Variants in SCML4 observed in about 807,000 individuals in gnomAD.
The protein encoded by SCML4 is sex comb on midleg-like protein 4.
A neutral mutation model predicts 41.1 loss-of-function variants in SCML4; 34 were observed. The observed-to-expected ratio is 0.83, with a 90% CI of 0.63 to 1.10. The LOEUF is 1.10. Among genes scored for constraint, SCML4 ranks in the 50% least tolerant of loss-of-function variants. The pLI, the probability that SCML4 is intolerant of heterozygous loss-of-function variation, is 0.00. For missense variants in SCML4, 522 were observed against 534.1 expected (o/e 0.98, Z 0.22); for synonymous variants, 214 against 220.9 (o/e 0.97, Z 0.28).
intron 1 of SCML4, among the ~76,000 whole-genome samples, chr6:107,774,900 A>G (rs1468239337): frequency 2.0e-5 from 3 of 151,796 alleles, no homozygotes; most frequent in Non-Finnish European, 4.4e-5. Flanking sequence ...GCAGGCGCCT[A>G]TAATTCCAAC....
chr6:107,780,703 T>A lies in SCML4; in HGVS notation c.-59-8317A>T, dbSNP rs554482121. Among the ~76,000 whole-genome samples the A allele has an allele frequency of 3.3e-5, 5 of 149,754 alleles. No homozygotes were observed. In the East Asian group the frequency reaches 9.8e-4, roughly 29 times the overall value. Reference sequence around the variant, plus strand: ...GCCTAGGCGACAGAGTGAGGCCCAGTCTCCAATAATAATAATAATAATAAA... The same window carrying A: ...GCCTAGGCGACAGAGTGAGGCCCAGACTCCAATAATAATAATAATAATAAA... On this transcript the variant is annotated intron_variant, in intron 1 of 7. Coordinates refer to ENST00000369020, the MANE Select transcript of SCML4 (RefSeq NM_198081.5).
At chr6:107,791,680 A>G (rs1385534589) in intron 1 of SCML4, among the ~76,000 whole-genome samples, 1 of 152,240 alleles carries the variant, frequency 6.6e-6, no homozygotes, top group African/African-American at 2.4e-5. Context: ...CAGGCTGGGC[A>G]CAGTGGCTCA....
intron 1 of SCML4, among the ~76,000 whole-genome samples, chr6:107,809,686 A>G (rs1784015421): frequency 6.6e-6 from 1 of 152,134 alleles, no homozygotes. Flanking sequence ...AGATATGGGG[A>G]AGGGAGCAAT....
At chr6:107,831,821 A>C in the SCML4 span, among the ~76,000 whole-genome samples, 1 of 152,160 alleles carries the variant, frequency 6.6e-6, no homozygotes, top group African/African-American at 2.4e-5. Context: ...TGGGAGGCCG[A>C]AGTGGGAGGA....
intron 1 of SCML4, among the ~76,000 whole-genome samples, chr6:107,822,739 T>TGTTTAAAAGTTATAGTTTGTGAAGCC (rs1185796764): frequency 6.6e-6 from 1 of 152,108 alleles, no homozygotes; most frequent in Non-Finnish European, 1.5e-5. Flanking sequence ...TCAAAAAGCC[T>TGTTTAAAAGTTATAGTTTGTGAAGCC]GTTTAAAAGT....
intron 1 of SCML4, among the ~76,000 whole-genome samples, chr6:107,794,087 A>G (rs1045718949): frequency 1.3e-5 from 2 of 152,256 alleles, no homozygotes; most frequent in African/African-American, 4.8e-5. Flanking sequence ...TTTCATAACA[A>G]GTTTTCAAAA....
chr6:107,704,350 G>A lies in SCML4; in HGVS notation c.*850C>T, dbSNP rs529199114. On this transcript the variant is annotated 3_prime_UTR_variant, in exon 8 of 8. Transcript: ENST00000369020. ...CTCCAAAGTCCCATCTGGGTAGAGC[G>A]TGCTTCCAAATTCTTGCCTTTGCTA... 10 of 152,342 alleles carry A rather than the reference G, an allele frequency of 6.6e-5. No homozygotes were observed. The highest frequency in any genetic ancestry group is 1.4e-4 in the African/African-American group (6 of 41,572). The allele number at this position is 152,342 out of a possible 1,614,324, so 9.4% of individuals were successfully genotyped here.
chr6:107,723,720 T>C (rs1219719618), intron 5 of SCML4, among the ~76,000 whole-genome samples: 2 of 152,082 alleles, frequency 1.3e-5, no homozygotes. Context: ...CTACCAAACA[T>C]TTAAAGAAAA....
At chr6:107,813,976 G>A (rs1784389998) in intron 1 of SCML4, among the ~76,000 whole-genome samples, 2 of 152,194 alleles carry the variant, frequency 1.3e-5, no homozygotes, top group Non-Finnish European at 1.5e-5. Flanking sequence ...GCAGCCTCAG[G>A]GCAGTGGTGC....
In SCML4 at chr6:107,703,815, A is replaced by G. The variant is rs534050380; in HGVS notation, c.*1385T>C. ...TCCAAAATCTAATGTTCATCTCCTC[A>G]TCTCCAACACTGTTGATGTCCTTTT... is the stretch of plus-strand genomic sequence containing the variant. On this transcript the variant is annotated 3_prime_UTR_variant, in exon 8 of 8. Coordinates refer to ENST00000369020, the MANE Select transcript of SCML4 (RefSeq NM_198081.5). Among the ~76,000 whole-genome samples, 2 of 152,296 alleles carry G rather than the reference A, an allele frequency of 1.3e-5. No homozygotes were observed. Among genetic ancestry groups the G allele is most frequent in the African/African-American group, 2.4e-5 (1 of 41,550 alleles).
chr6:107,844,772 A>T, the SCML4 span, among the ~76,000 whole-genome samples: 1 of 151,156 alleles, frequency 6.6e-6, no homozygotes, highest in Non-Finnish European at 1.5e-5. Flanking sequence ...CTAAGAAATC[A>T]TATCCCTGGC....
At chr6:107,813,413 TATATATATATAAAA>T (rs1179683127) in intron 1 of SCML4, among the ~76,000 whole-genome samples, 3 of 21,476 alleles carry the variant, frequency 1.4e-4, no homozygotes, top group South Asian at 2.5e-3. Context: ...TATATATATA[TATATATATATAAAA>T]CTGTAAAATT....
At chr6:107,728,265 C>T (rs531905740) in intron 5 of SCML4, among the ~76,000 whole-genome samples, 5 of 152,270 alleles carry the variant, frequency 3.3e-5, no homozygotes, top group Admixed American at 2.0e-4. Flanking sequence ...ATTCCCTTAT[C>T]GCAAAGTGTG....
the SCML4 span, among the ~76,000 whole-genome samples, chr6:107,834,203 A>G: frequency 1.3e-5 from 2 of 152,196 alleles, no homozygotes; most frequent in Admixed American, 1.3e-4. Context: ...AAGTCCCAGG[A>G]ATCCCCAAAA....
At chr6:107,723,313 A>T (rs1239453753) in intron 5 of SCML4, among the ~76,000 whole-genome samples, 1 of 152,208 alleles carries the variant, frequency 6.6e-6, no homozygotes, top group Non-Finnish European at 1.5e-5. Context: ...GAACACTTAC[A>T]TTAGCCTACA....
chr6:107,809,358 C>T (rs1481325612), intron 1 of SCML4, among the ~76,000 whole-genome samples: 1 of 152,206 alleles, frequency 6.6e-6, no homozygotes, highest in Non-Finnish European at 1.5e-5. Flanking sequence ...ACTATCAGAA[C>T]TGCATCTTAT....
At chr6:107,720,290 A>C in intron 6 of SCML4, 1 of 810,256 alleles carries the variant, frequency 1.2e-6, no homozygotes. Context: ...TCTTCTCCAC[A>C]CCTTCTTTCC....
At chr6:107,787,544 G>C (rs1211086197) in intron 1 of SCML4, among the ~76,000 whole-genome samples, 1 of 152,254 alleles carries the variant, frequency 6.6e-6, no homozygotes, top group East Asian at 1.9e-4. Flanking sequence ...AGAAAGCGCT[G>C]GTGGTTTGGT....
At chr6:107,845,478 G>A in the SCML4 span, among the ~76,000 whole-genome samples, 8 of 152,282 alleles carry the variant, frequency 5.3e-5, no homozygotes, top group South Asian at 1.0e-3. Context: ...ACGGTTCTCC[G>A]GAAATTACAG....
Sources: allele counts gnomAD v4.1 joint callset (sites outside exome capture counted in the v4.1 genomes callset), GRCh38; gene constraint gnomAD v4.1.1; transcripts MANE v1.5; gene names NCBI Gene and HGNC (gene_info 2026-07-23, HGNC 2026-07-21).